RALGPS2: variants seen among roughly 807,000 people sequenced by gnomAD.
RALGPS2 encodes the protein ras-specific guanine nucleotide-releasing factor RalGPS2.
RALGPS2 carries 43 observed loss-of-function variants against 86.8 expected under a neutral mutation model. The ratio of observed to expected loss-of-function variants is 0.50; its 90% confidence interval spans 0.39 to 0.64. RALGPS2 has a LOEUF of 0.64. Among genes scored for constraint, RALGPS2 ranks in the 30% least tolerant of loss-of-function variants. RALGPS2 has a pLI of 0.00. For synonymous variants in RALGPS2, 243 were observed against 231.3 expected (o/e 1.05, Z -0.46); for missense variants, 536 against 694.6 (o/e 0.77, Z 2.57).
At chr1:178,796,611 T>G (rs557508587) in intron 4 of RALGPS2, among the ~76,000 whole-genome samples, 2 of 152,296 alleles carry the variant, frequency 1.3e-5, no homozygotes, top group Non-Finnish European at 2.9e-5. Context: ...TTTTCTCTCT[T>G]CTATCTGTAG....
chr1:178,767,906 G>T (rs1026072983), intron 1 of RALGPS2, among the ~76,000 whole-genome samples: 2 of 152,130 alleles, frequency 1.3e-5, no homozygotes, highest in East Asian at 1.9e-4. Flanking sequence ...ATAACGGGAG[G>T]CCATGCCATC....
chr1:178,727,454 A>G (rs1650088347), intron 1 of RALGPS2, among the ~76,000 whole-genome samples: 2 of 152,346 alleles, frequency 1.3e-5, no homozygotes, highest in East Asian at 1.9e-4. Context: ...AAATTTTTTC[A>G]GATTGCAACG....
At chr1:178,798,905 TAGAA>T (rs1353837052) in intron 4 of RALGPS2, among the ~76,000 whole-genome samples, 1 of 152,186 alleles carries the variant, frequency 6.6e-6, no homozygotes, top group Non-Finnish European at 1.5e-5. Context: ...TTGATAATTT[TAGAA>T]AGAAGTTTTG....
intron 1 of RALGPS2, among the ~76,000 whole-genome samples, chr1:178,738,620 C>T (rs1230941428): frequency 6.6e-6 from 1 of 152,054 alleles, no homozygotes; most frequent in African/African-American, 2.4e-5. Flanking sequence ...TTGGGATCAG[C>T]CATATAATTT....
chr1:178,856,196 G>GATATATATATATATAT (rs1449088390), intron 8 of RALGPS2, among the ~76,000 whole-genome samples: 1 of 41,052 alleles, frequency 2.4e-5, no homozygotes, highest in African/African-American at 1.0e-4. Context: ...TTTCCAGAGA[G>GATATATATATATATAT]AGAGAGATAT....
chr1:178,878,762 C>T (rs1313554312), intron 9 of RALGPS2, 140 bp from the exon 10 acceptor site: 7 of 1,098,942 alleles, frequency 6.4e-6, no homozygotes, highest in Non-Finnish European at 8.9e-6. Flanking sequence ...TAAAGTTTAT[C>T]TCAGTAATGT....
chr1:178,834,126 A>G (rs543117961), intron 8 of RALGPS2, among the ~76,000 whole-genome samples: 21 of 152,190 alleles, frequency 1.4e-4, no homozygotes, highest in Non-Finnish European at 2.4e-4. Flanking sequence ...GATTATTTTT[A>G]ACAAAATATG....
At chr1:178,830,324 A>G (rs1480361187) in intron 7 of RALGPS2, among the ~76,000 whole-genome samples, 1 of 152,222 alleles carries the variant, frequency 6.6e-6, no homozygotes, top group East Asian at 1.9e-4. Flanking sequence ...TTGGCCTAAC[A>G]GATGTCAGGA....
At chr1:178,780,818 T>C (rs1054251225) in intron 2 of RALGPS2, among the ~76,000 whole-genome samples, 2 of 152,180 alleles carry the variant, frequency 1.3e-5, no homozygotes, top group Non-Finnish European at 2.9e-5. Context: ...TAATAAAGCC[T>C]CTCCTAATCC....
chr1:178,884,226 AT>A (rs1205222545), intron 11 of RALGPS2, among the ~76,000 whole-genome samples: 5 of 152,104 alleles, frequency 3.3e-5, no homozygotes, highest in African/African-American at 1.2e-4. Context: ...TAGTGACGTA[AT>A]TTTTTCAAAT....
intron 7 of RALGPS2, among the ~76,000 whole-genome samples, chr1:178,829,449 A>C (rs1444359902): frequency 3.3e-5 from 5 of 152,214 alleles, no homozygotes; most frequent in Admixed American, 3.3e-4. Flanking sequence ...TCATAGGTAC[A>C]TGAACCCTAT....
chr1:178,773,895 G>C (rs1652937273), intron 1 of RALGPS2, among the ~76,000 whole-genome samples: 1 of 152,130 alleles, frequency 6.6e-6, no homozygotes, highest in African/African-American at 2.4e-5. Context: ...ATATGTAATG[G>C]ATTTTAATGT....
chr1:178,742,091 G>C (rs191205569), intron 1 of RALGPS2, among the ~76,000 whole-genome samples: 1 of 148,790 alleles, frequency 6.7e-6, no homozygotes, highest in Non-Finnish European at 1.5e-5. Flanking sequence ...AGCTGAGATC[G>C]TGCCGCTGCA....
At chr1:178,759,053 G>A (rs1652099222) in intron 1 of RALGPS2, among the ~76,000 whole-genome samples, 1 of 151,898 alleles carries the variant, frequency 6.6e-6, no homozygotes, top group South Asian at 2.1e-4. Context: ...TTCCTTTGTT[G>A]CGCAAAAGCT....
intron 8 of RALGPS2, among the ~76,000 whole-genome samples, chr1:178,842,990 AAGTC>A (rs1285188215): frequency 1.3e-5 from 2 of 150,190 alleles, no homozygotes; most frequent in African/African-American, 4.9e-5. Flanking sequence ...AATCATTAAA[AAGTC>A]AGGAAACGAC....
chr1:178,913,370 G>A (rs907613151), intron 19 of RALGPS2, among the ~76,000 whole-genome samples: 4 of 151,932 alleles, frequency 2.6e-5, no homozygotes, highest in Admixed American at 1.3e-4. Flanking sequence ...TCTTAAAATG[G>A]CTGTGTTATC....
intron 8 of RALGPS2, among the ~76,000 whole-genome samples, chr1:178,834,885 C>A (rs933801466): frequency 1.3e-5 from 2 of 152,204 alleles, no homozygotes; most frequent in African/African-American, 4.8e-5. Flanking sequence ...TCAAGTGATT[C>A]TCCTGCTTCA....
chr1:178,886,079 G>A lies in RALGPS2; in HGVS notation c.1151G>A (p.Gly384Asp). 6.2e-7 allele frequency: 1 copy of A among 1,613,550 alleles called. No homozygotes were observed. The highest frequency in any genetic ancestry group is 1.3e-5 in the African/African-American group (1 of 74,970). ...ATGGAGCCCCATGCGCCATCTCGAG[G>A]CCAAGCTGAAAGTTCTACTCTTTCT... ...SVMEPHAPSR[G>D]QAESSTLSSG... The change falls in exon 13 of 20, where the codon GGC (glycine) becomes GAC (aspartate). Residue 384 changes from glycine (G) to aspartate (D), a missense_variant. Gly to Asp is a moderately conservative substitution (Grantham distance 94). Transcript: ENST00000367635.
chr1:178,889,535 C>T (rs755338854), intron 13 of RALGPS2, 107 bp from the exon 14 acceptor site: 44 of 776,526 alleles, frequency 5.7e-5, no homozygotes, highest in Non-Finnish European at 8.3e-5. Context: ...ATCTACAATG[C>T]GATTGTCATT....
Sources: gnomAD v4.1 joint callset for allele counts (sites outside exome capture counted in the v4.1 genomes callset) on GRCh38, gnomAD v4.1.1 for gene constraint, MANE v1.5 for transcripts, NCBI Gene and HGNC (gene_info 2026-07-23, HGNC 2026-07-21) for gene names.